The following MTFR1 variants were observed in gnomAD, a reference collection of about 807,000 sequenced individuals.
MTFR1 encodes chondrocyte protein with a poly-proline region.
A neutral mutation model predicts 38.8 loss-of-function variants in MTFR1; 28 were observed. The observed-to-expected ratio is 0.72, with a 90% confidence interval of 0.53 to 0.99. The LOEUF (loss-of-function observed/expected upper bound fraction) is 0.99. MTFR1 is among the 50% of genes least tolerant of loss of function. MTFR1 has a pLI of 0.00. For synonymous variants in MTFR1, 145 were observed against 137.0 expected, an observed-to-expected ratio of 1.06 and a Z score of -0.41; for missense variants, 358 against 395.5, an observed-to-expected ratio of 0.91 and a Z score of 0.81.
intron 2 of MTFR1, among the ~76,000 whole-genome samples, chr8:65,680,718 C>T (rs1804853378): frequency 6.6e-6 from 1 of 152,000 alleles, no homozygotes; most frequent in Admixed American, 6.6e-5. Flanking sequence ...TGGTAGTATC[C>T]ATTTCTCCAG....
intron 1 of MTFR1, among the ~76,000 whole-genome samples, chr8:65,648,566 A>AT (rs1809029516): frequency 6.6e-6 from 1 of 152,160 alleles, no homozygotes; most frequent in South Asian, 2.1e-4. Flanking sequence ...TCTGCAAGTC[A>AT]TTTTTACCAA....
intron 3 of MTFR1, among the ~76,000 whole-genome samples, chr8:65,746,926 G>A (rs1807700061): frequency 1.3e-5 from 2 of 152,112 alleles, no homozygotes; most frequent in African/African-American, 2.4e-5. Context: ...AATCTGGTCT[G>A]TAAATATTAA....
At chr8:65,659,217 C>G (rs1029701724) in intron 1 of MTFR1, among the ~76,000 whole-genome samples, 1 of 152,094 alleles carries the variant, frequency 6.6e-6, no homozygotes, top group South Asian at 2.1e-4. Flanking sequence ...TAATACCACT[C>G]TTATTTTTCT....
intron 3 of MTFR1, among the ~76,000 whole-genome samples, chr8:65,692,355 T>C (rs10106749): frequency 0.41 from 62,489 of 152,104 alleles, 15,143 homozygotes; most frequent in Non-Finnish European, 0.56. Flanking sequence ...TCTTTTTCTT[T>C]TTGAGACTGT....
intron 3 of MTFR1, among the ~76,000 whole-genome samples, chr8:65,721,583 A>T (rs1269680416): frequency 6.6e-6 from 1 of 152,162 alleles, no homozygotes; most frequent in African/African-American, 2.4e-5. Context: ...CCCATTCTAG[A>T]TCTGTACAAC....
chr8:65,752,869 C>G (rs750796648), intron 3 of MTFR1, among the ~76,000 whole-genome samples: 3 of 152,192 alleles, frequency 2.0e-5, no homozygotes, highest in Non-Finnish European at 2.9e-5. Flanking sequence ...TTTCTATCCA[C>G]TATAACCATT....
intron 3 of MTFR1, chr8:65,722,055 T>C (rs567367719): frequency 1.3e-5 from 2 of 152,330 alleles, no homozygotes; most frequent in East Asian, 1.9e-4. Flanking sequence ...CTTCCCAAAG[T>C]GCTGGGTTAC....
chr8:65,677,068 C>CTTTTTTTTT (rs1166560010), intron 2 of MTFR1, among the ~76,000 whole-genome samples: 5 of 100,108 alleles, frequency 5.0e-5, no homozygotes, highest in African/African-American at 9.1e-5. Flanking sequence ...CTATTTCTCT[C>CTTTTTTTTT]TTTTTTTTTT....
At chr8:65,708,320 A>G (rs576236077) in intron 7 of MTFR1, 4 of 426,230 alleles carry the variant, frequency 9.4e-6, no homozygotes, top group African/African-American at 6.0e-5. Flanking sequence ...GTAATCTCCA[A>G]TGTTACATTT....
intron 2 of MTFR1, among the ~76,000 whole-genome samples, chr8:65,679,853 C>T (rs1203630416): frequency 1.3e-5 from 2 of 152,102 alleles, no homozygotes; most frequent in Non-Finnish European, 2.9e-5. Context: ...ATGATGTTTT[C>T]TTCTAAGCTT....
intron 2 of MTFR1, among the ~76,000 whole-genome samples, chr8:65,681,487 T>C (rs1181385753): frequency 1.3e-5 from 2 of 152,202 alleles, no homozygotes; most frequent in African/African-American, 2.4e-5. Context: ...CTCTTTTCTT[T>C]TAAAATTGCT....
chr8:65,750,924 A>G (rs556766111), intron 3 of MTFR1, among the ~76,000 whole-genome samples: 8 of 152,362 alleles, frequency 5.3e-5, no homozygotes, highest in African/African-American at 1.9e-4. Context: ...CAAGGAAATG[A>G]TCACTCATCA....
chr8:65,759,801 A>G (rs1487616628), intron 3 of MTFR1, among the ~76,000 whole-genome samples: 1 of 152,056 alleles, frequency 6.6e-6, no homozygotes, highest in African/African-American at 2.4e-5. Context: ...GAAAGGTTGC[A>G]TGTGAGAGCT....
intron 1 of MTFR1, among the ~76,000 whole-genome samples, chr8:65,664,102 C>T (rs1231968206): frequency 2.0e-5 from 3 of 152,110 alleles, no homozygotes; most frequent in African/African-American, 7.2e-5. Context: ...AGGCGTGAGC[C>T]ATTGCACCCG....
At chr8:65,775,024 G>A (rs1361828923), downstream of MTFR1, among the ~76,000 whole-genome samples, 1 of 152,178 alleles carries the variant, frequency 6.6e-6, no homozygotes, top group Non-Finnish European at 1.5e-5. Flanking sequence ...ATTCAGTTCT[G>A]ATAAACTGTA....
At chr8:65,698,870 A>G (rs1805529419) in intron 4 of MTFR1, among the ~76,000 whole-genome samples, 1 of 152,066 alleles carries the variant, frequency 6.6e-6, no homozygotes, top group African/African-American at 2.4e-5. Context: ...CTGGGATTAC[A>G]GGCGTGCACG....
intron 3 of MTFR1, among the ~76,000 whole-genome samples, chr8:65,754,557 C>T (rs7461779): frequency 1.3e-5 from 2 of 151,118 alleles, no homozygotes; most frequent in African/African-American, 2.4e-5. Context: ...AGGCTGGTCT[C>T]GAACTCCTGA....
intron 1 of MTFR1, among the ~76,000 whole-genome samples, chr8:65,658,953 G>A (rs1225236658): frequency 6.6e-6 from 1 of 152,180 alleles, no homozygotes; most frequent in Non-Finnish European, 1.5e-5. Context: ...GGCAGTAGCT[G>A]TAGGAGAAGC....
At chr8:65,719,064 C>G in intron 2 of MTFR1, 1 of 560,158 alleles carries the variant, frequency 1.8e-6, no homozygotes, top group Non-Finnish European at 3.2e-6. Context: ...TTTGCATATT[C>G]AAGGTTTCAC....
Sources: allele counts gnomAD v4.1 joint callset (sites outside exome capture counted in the v4.1 genomes callset), GRCh38; gene constraint gnomAD v4.1.1; transcripts MANE v1.5; gene names NCBI Gene and HGNC (gene_info 2026-07-23, HGNC 2026-07-21).